The following ZNF654 variants were observed in gnomAD, a reference collection of about 807,000 sequenced individuals.
ZNF654 encodes zinc finger protein 654, also known as melanoma-associated antigen.
In ZNF654, 19 loss-of-function variants were observed where a neutral mutation model predicts 95.3. The ratio of observed to expected loss-of-function variants is 0.20; its 90% CI spans 0.14 to 0.29. ZNF654 has a LOEUF of 0.29. ZNF654 is among the 10% of genes least tolerant of loss of function. The pLI is 1.00. For missense variants in ZNF654, 1,046 were observed against 1,341.0 expected (o/e 0.78, Z 3.44); for synonymous variants, 413 against 457.9 (o/e 0.90, Z 1.25).
intron 4 of ZNF654, among the ~76,000 whole-genome samples, chr3:88,128,565 G>T (rs1287653271): frequency 1.3e-5 from 2 of 151,956 alleles, no homozygotes; most frequent in African/African-American, 4.8e-5. Context: ...TTTTGTTTCT[G>T]TTATTTACTT....
chr3:88,106,646 T>A lies in ZNF654; in HGVS notation c.333-6469T>A, dbSNP rs554501095. Among the ~76,000 whole-genome samples, 5 of 152,322 alleles carry A rather than the reference T, an allele frequency of 3.3e-5. No homozygotes were observed. The East Asian group carries it at 9.7e-4, about 29-fold the overall frequency. On this transcript the variant is annotated intron_variant, in intron 2 of 8. Coordinates refer to ENST00000636215, the MANE Select transcript of ZNF654 (RefSeq NM_001350134.2). ...GTGTGAGCCACTGGCCTCGGCCCTT[T>A]TTTTCATTTATCTTTTGCTTTGCAT...
intron 4 of ZNF654, among the ~76,000 whole-genome samples, chr3:88,127,724 C>T: frequency 6.6e-6 from 1 of 152,060 alleles, no homozygotes. Flanking sequence ...GGGCTGATGG[C>T]CTTTTAGGCT....
intron 1 of ZNF654, 86 bp downstream of exon 1, chr3:88,059,591 C>A: frequency 7.0e-7 from 1 of 1,428,016 alleles, no homozygotes; most frequent in Non-Finnish European, 9.1e-7. Context: ...TGAATCTGGT[C>A]TATGTCCAGT....
rs1293574408 is a variant in ZNF654, at chr3:88,140,267, T to C, written c.2598T>C (p.Ala866=). The C allele has an allele frequency of 5.0e-6, 8 of 1,613,808 alleles. No individual in the cohort carries two copies. Among genetic ancestry groups the C allele is most frequent in the Non-Finnish European group, 6.8e-6 (8 of 1,179,792 alleles). The part of the protein sequence containing the change: ...EDLPLLYEHE[A]QHYLSKTPES... ...TTCCTCTGCTGTATGAACATGAAGC[T>C]CAACACTATTTAAGTAAAACACCAG... Residue 866 remains alanine (A), a synonymous_variant, in exon 8 of 9, where the codon GCT becomes GCC. Transcript: ENST00000636215.
At chr3:88,125,849 AC>A (rs1167949136) in intron 3 of ZNF654, among the ~76,000 whole-genome samples, 1 of 152,092 alleles carries the variant, frequency 6.6e-6, no homozygotes, top group Admixed American at 6.6e-5. Flanking sequence ...GTTTTTTGCA[AC>A]CTGGTTCTTT....
chr3:88,068,964 T>C (rs1364640087), intron 1 of ZNF654, among the ~76,000 whole-genome samples: 1 of 152,224 alleles, frequency 6.6e-6, no homozygotes, highest in South Asian at 2.1e-4. Flanking sequence ...CATCTATGCA[T>C]ATATATTTGA....
intron 2 of ZNF654, among the ~76,000 whole-genome samples, chr3:88,100,113 TAAAC>T (rs1167500333): frequency 6.6e-6 from 1 of 152,046 alleles, no homozygotes; most frequent in African/African-American, 2.4e-5. Flanking sequence ...ACAAAGAACT[TAAAC>T]AAATTTACAA....
At chr3:88,120,741 A>G (rs901203321) in intron 3 of ZNF654, among the ~76,000 whole-genome samples, 5 of 152,206 alleles carry the variant, frequency 3.3e-5, no homozygotes, top group African/African-American at 1.2e-4. Flanking sequence ...ACATTATAAA[A>G]CAAAAGTACA....
intron 3 of ZNF654, among the ~76,000 whole-genome samples, chr3:88,124,295 G>A (rs1373052845): frequency 6.6e-6 from 1 of 152,130 alleles, no homozygotes; most frequent in Non-Finnish European, 1.5e-5. Context: ...AGAGCAGAGA[G>A]GTTAAGTAAC....
intron 2 of ZNF654, chr3:88,096,002 C>T (rs1576264275): frequency 9.6e-6 from 2 of 208,906 alleles, no homozygotes; most frequent in Non-Finnish European, 1.9e-5. Context: ...GGACTAAGGC[C>T]ACTGCATCCC....
At chr3:88,080,496 A>G (rs1346631573) in intron 1 of ZNF654, among the ~76,000 whole-genome samples, 1 of 152,148 alleles carries the variant, frequency 6.6e-6, no homozygotes, top group Non-Finnish European at 1.5e-5. Flanking sequence ...TTAAAGTGAT[A>G]TTAAATTCAT....
chr3:88,134,571 T>C (rs1706658226), intron 6 of ZNF654, among the ~76,000 whole-genome samples: 1 of 152,128 alleles, frequency 6.6e-6, no homozygotes, highest in Non-Finnish European at 1.5e-5. Flanking sequence ...AAAAGTACGA[T>C]ATCTGAAACA....
chr3:88,102,199 A>C (rs1357269802), intron 2 of ZNF654, among the ~76,000 whole-genome samples: 1 of 152,034 alleles, frequency 6.6e-6, no homozygotes, highest in Non-Finnish European at 1.5e-5. Context: ...CTTGATTTTA[A>C]GCTTCTTGGA....
intron 3 of ZNF654, 80 bp from the exon 4 acceptor site, chr3:88,126,047 CCATCAGT>C: frequency 7.9e-7 from 1 of 1,263,954 alleles, no homozygotes; most frequent in Non-Finnish European, 1.0e-6. Flanking sequence ...GCCTCACTGG[CCATCAGT>C]CATTTTATTG....
chr3:88,111,064 A>G (rs1474077349), intron 2 of ZNF654, among the ~76,000 whole-genome samples: 1 of 152,044 alleles, frequency 6.6e-6, no homozygotes, highest in Non-Finnish European at 1.5e-5. Flanking sequence ...TCTGTGTTTT[A>G]GGAAGATAAT....
At position 88,143,670 on chromosome 3, in the gene ZNF654, T is replaced by G. The variant is rs1707230110; in HGVS notation, c.*2018T>G. On this transcript the variant is annotated 3_prime_UTR_variant, in exon 9 of 9. Transcript: ENST00000636215. ...CTTTTACTGTTCATGCCAAGATGTT[T>G]CAAATATATTCCATTTGTAATCTGT... 6.6e-6 allele frequency: 1 copy of G among 152,346 alleles called. No homozygotes were observed. The highest frequency in any genetic ancestry group is 6.6e-5 in the Admixed American group (1 of 15,250). 9.4% of individuals were successfully genotyped at this position (152,346 alleles called of 1,614,324 possible). A position where few individuals can be genotyped will look rare whatever the true frequency, so the allele number is the denominator to read the frequency against.
Position 88,139,301 on chromosome 3 carries a change from G to A in ZNF654, c.1632G>A (p.Arg544=). ...STSKVDHNVP[R]HRCMLCNKEF... ...CCAAAGTAGATCACAATGTCCCAAG[G>A]CATCGTTGTATGTTATGTAACAAGG... The change falls in exon 8 of 9, where the codon AGG becomes AGA. Residue 544 remains arginine, a synonymous_variant. Coordinates refer to ENST00000636215, the MANE Select transcript of ZNF654 (RefSeq NM_001350134.2). The A allele has an allele frequency of 2.5e-6, 4 of 1,582,634 alleles. No individual in the cohort carries two copies. The highest frequency in any genetic ancestry group is 3.4e-6 in the Non-Finnish European group (4 of 1,168,296).
At chr3:88,076,399 C>T (rs1356617896) in intron 1 of ZNF654, among the ~76,000 whole-genome samples, 1 of 152,028 alleles carries the variant, frequency 6.6e-6, no homozygotes, top group East Asian at 1.9e-4. Flanking sequence ...TCTTTAAGTA[C>T]AGTTACTTCT....
intron 2 of ZNF654, among the ~76,000 whole-genome samples, chr3:88,092,233 A>C (rs1703784829): frequency 6.6e-6 from 1 of 152,156 alleles, no homozygotes; most frequent in African/African-American, 2.4e-5. Context: ...TTAATCAAAA[A>C]ATTTTTCTAA....
Sources: gnomAD v4.1 joint callset for allele counts (sites outside exome capture counted in the v4.1 genomes callset) on GRCh38, gnomAD v4.1.1 for gene constraint, MANE v1.5 for transcripts, NCBI Gene and HGNC (gene_info 2026-07-23, HGNC 2026-07-21) for gene names.